The following DPP10 variants were observed in gnomAD, a reference collection of about 807,000 sequenced individuals.
DPP10 encodes dipeptidyl peptidase like 10.
Under a neutral mutation model 120.9 loss-of-function variants are expected in DPP10, and 33 were observed. That is an observed-to-expected ratio of 0.27 (90% CI 0.21 to 0.37). The LOEUF (loss-of-function observed/expected upper bound fraction) is 0.37. Ranked by LOEUF, DPP10 falls within the 10% of genes least tolerant of loss-of-function variation. The pLI, the probability that DPP10 is intolerant of heterozygous loss-of-function variation, is 1.00. For missense variants in DPP10, 816 were observed against 942.8 expected, an observed-to-expected ratio of 0.87 and a Z score of 1.76; for synonymous variants, 337 against 326.1, an observed-to-expected ratio of 1.03 and a Z score of -0.36.
chr2:114,757,782 TG>T (rs1182125248), intron 1 of DPP10, among the ~76,000 whole-genome samples: 1 of 152,166 alleles, frequency 6.6e-6, no homozygotes, highest in African/African-American at 2.4e-5. Context: ...CCCAGCATTC[TG>T]ATTTTGCAAG....
In DPP10 at chr2:115,006,342, A is replaced by G. The variant is rs904221606; in HGVS notation, c.61-302897A>G. 1.0e-3 allele frequency among the ~76,000 whole-genome samples: 157 copies of G among 152,008 alleles called. 1 individual carries two copies. In the Middle Eastern group the frequency reaches 0.02, roughly 20 times the overall value. On this transcript the variant is annotated intron_variant, in intron 1 of 25. Coordinates refer to ENST00000410059, the MANE Select transcript of DPP10 (RefSeq NM_020868.6). ...CAAAATAACCAGCTAGCATCATAAC[A>G]ACAGGATCAAATTCACACATAACAC... is the stretch of plus-strand genomic sequence containing the variant.
intron 1 of DPP10, among the ~76,000 whole-genome samples, chr2:114,758,021 G>T (rs780750881): frequency 6.6e-6 from 1 of 152,134 alleles, no homozygotes; most frequent in Non-Finnish European, 1.5e-5. Flanking sequence ...CTCCCTCTAT[G>T]TTATACACAG....
intron 1 of DPP10, among the ~76,000 whole-genome samples, chr2:115,060,170 A>G (rs1706284840): frequency 6.6e-6 from 1 of 150,484 alleles, no homozygotes; most frequent in Admixed American, 6.6e-5. Context: ...GTCTAGATAG[A>G]TAGATATATA....
intron 5 of DPP10, among the ~76,000 whole-genome samples, chr2:115,590,225 A>T (rs534935187): frequency 1.4e-3 from 214 of 150,324 alleles, no homozygotes; most frequent in African/African-American, 4.8e-3. Flanking sequence ...CGTGCAGGTT[A>T]GTTACATATG....
At chr2:115,722,463 G>A (rs1271461270) in intron 7 of DPP10, among the ~76,000 whole-genome samples, 3 of 151,794 alleles carry the variant, frequency 2.0e-5, no homozygotes, top group Non-Finnish European at 4.4e-5. Flanking sequence ...GTGTCGTTAC[G>A]CAATTTTGTC....
intron 1 of DPP10, among the ~76,000 whole-genome samples, chr2:114,660,454 G>A (rs1697314754): frequency 6.6e-6 from 1 of 152,162 alleles, no homozygotes; most frequent in Admixed American, 6.5e-5. Flanking sequence ...TTAAGACCAG[G>A]TGCCCTGATT....
At chr2:115,241,639 C>T (rs1179464354) in intron 1 of DPP10, among the ~76,000 whole-genome samples, 1 of 152,190 alleles carries the variant, frequency 6.6e-6, no homozygotes, top group Non-Finnish European at 1.5e-5. Flanking sequence ...GAGAGAGACA[C>T]ACAGGCTTTC....
intron 7 of DPP10, among the ~76,000 whole-genome samples, chr2:115,698,159 C>T (rs1174186813): frequency 6.6e-6 from 1 of 152,114 alleles, no homozygotes; most frequent in Non-Finnish European, 1.5e-5. Context: ...AAAATTATCA[C>T]ACAAAAGATC....
chr2:115,564,970 T>A (rs143991661), intron 5 of DPP10, among the ~76,000 whole-genome samples: 1 of 152,114 alleles, frequency 6.6e-6, no homozygotes, highest in South Asian at 2.1e-4. Context: ...CCTGTTTTCA[T>A]TGGGAGAGGG....
intron 1 of DPP10, among the ~76,000 whole-genome samples, chr2:114,614,602 T>C (rs1693539029): frequency 6.6e-6 from 1 of 152,214 alleles, no homozygotes; most frequent in African/African-American, 2.4e-5. Context: ...TTGATTTTTA[T>C]TGCCCGCCTA....
chr2:114,954,276 G>C (rs1448922023), intron 1 of DPP10, among the ~76,000 whole-genome samples: 1 of 151,722 alleles, frequency 6.6e-6, no homozygotes, highest in African/African-American at 2.4e-5. Flanking sequence ...GTAGAGACAG[G>C]GTTTCACCGT....
At chr2:115,502,618 T>C (rs12995601) in intron 4 of DPP10, among the ~76,000 whole-genome samples, 32,304 of 152,126 alleles carry the variant, frequency 0.21, 3,950 homozygotes, top group East Asian at 0.39. Context: ...AATCACTTTT[T>C]GAAATTATAA....
intron 1 of DPP10, among the ~76,000 whole-genome samples, chr2:115,164,567 A>G (rs1388875670): frequency 2.0e-5 from 3 of 152,210 alleles, no homozygotes; most frequent in Admixed American, 2.0e-4. Context: ...GATTTAAGCT[A>G]TTGCATGTTT....
intron 1 of DPP10, among the ~76,000 whole-genome samples, chr2:114,447,659 G>A (rs923187372): frequency 1.1e-4 from 17 of 151,850 alleles, no homozygotes; most frequent in South Asian, 2.1e-4. Flanking sequence ...TAAAATTATC[G>A]ACTCAACATA....
intron 3 of DPP10, among the ~76,000 whole-genome samples, chr2:115,379,365 G>A (rs945756921): frequency 2.0e-5 from 3 of 152,082 alleles, no homozygotes; most frequent in African/African-American, 7.2e-5. Flanking sequence ...ATTCTCTGAT[G>A]GTAGTTTGTA....
intron 1 of DPP10, among the ~76,000 whole-genome samples, chr2:114,779,365 T>C (rs1350406556): frequency 6.6e-6 from 1 of 152,138 alleles, no homozygotes; most frequent in African/African-American, 2.4e-5. Context: ...TTGTTCAGTA[T>C]GGCTTTTATT....
chr2:114,632,700 G>C (rs1311036918), intron 1 of DPP10, among the ~76,000 whole-genome samples: 1 of 151,790 alleles, frequency 6.6e-6, no homozygotes, highest in African/African-American at 2.4e-5. Flanking sequence ...TTTTAGTAGA[G>C]ACAGAGTTTC....
intron 5 of DPP10, among the ~76,000 whole-genome samples, chr2:115,535,137 T>G (rs1449498048): frequency 1.3e-5 from 2 of 152,078 alleles, no homozygotes; most frequent in Admixed American, 6.6e-5. Context: ...TTTGTCAATT[T>G]TGCCTTTTGT....
At chr2:115,370,366 G>A (rs1391344579) in intron 3 of DPP10, among the ~76,000 whole-genome samples, 1 of 152,072 alleles carries the variant, frequency 6.6e-6, no homozygotes, top group African/African-American at 2.4e-5. Context: ...AGGATGGAGT[G>A]AATCCATGAA....
Sources: allele counts gnomAD v4.1 joint callset (sites outside exome capture counted in the v4.1 genomes callset), GRCh38; gene constraint gnomAD v4.1.1; transcripts MANE v1.5; gene names NCBI Gene and HGNC (gene_info 2026-07-23, HGNC 2026-07-21).